Variants in GALNT13 observed in about 807,000 individuals in gnomAD.
The protein encoded by GALNT13 is polypeptide N-acetylgalactosaminyltransferase 13.
In GALNT13, 28 loss-of-function variants were observed where a neutral mutation model predicts 64.2. The observed-to-expected ratio is 0.44, with a 90% CI of 0.32 to 0.60. The LOEUF is 0.60. Among genes scored for constraint, GALNT13 ranks in the 20% least tolerant of loss-of-function variants. The probability of loss-of-function intolerance (pLI) is 0.05; values close to 1 mark genes in which losing one functional copy is unlikely to be tolerated. For synonymous variants in GALNT13, 214 were observed against 224.6 expected, an observed-to-expected ratio of 0.95 and a Z score of 0.42; for missense variants, 577 against 669.8, an observed-to-expected ratio of 0.86 and a Z score of 1.53.
intron 3 of GALNT13, among the ~76,000 whole-genome samples, chr2:154,094,465 C>T (rs532976996): frequency 2.2e-4 from 33 of 151,940 alleles, no homozygotes; most frequent in African/African-American, 7.0e-4. Flanking sequence ...GAATTATTTG[C>T]CAGAAGTAAT....
chr2:153,285,870 A>G, the GALNT13 span, among the ~76,000 whole-genome samples: 2 of 152,180 alleles, frequency 1.3e-5, no homozygotes, highest in Non-Finnish European at 2.9e-5. Context: ...ATTATTAGCC[A>G]GTGTAATTAG....
chr2:153,677,874 A>C, the GALNT13 span, among the ~76,000 whole-genome samples: 1 of 152,058 alleles, frequency 6.6e-6, no homozygotes, highest in African/African-American at 2.4e-5. Context: ...CTTATAAAAC[A>C]ATCAACTCAA....
chr2:154,395,242 T>C (rs1016375780), intron 9 of GALNT13, among the ~76,000 whole-genome samples: 2 of 152,182 alleles, frequency 1.3e-5, no homozygotes, highest in Non-Finnish European at 2.9e-5. Context: ...TGTCGTAAAA[T>C]TTTTTATAAA....
chr2:153,394,233 C>T, the GALNT13 span, among the ~76,000 whole-genome samples: 1 of 152,040 alleles, frequency 6.6e-6, no homozygotes, highest in African/African-American at 2.4e-5. Flanking sequence ...AGAATTAAAT[C>T]TTAATTTTTG....
At chr2:153,470,937 A>G in the GALNT13 span, among the ~76,000 whole-genome samples, 2 of 152,346 alleles carry the variant, frequency 1.3e-5, no homozygotes, top group East Asian at 3.9e-4. Flanking sequence ...GTAGAAAATT[A>G]TAAGTAGCCT....
intron 8 of GALNT13, among the ~76,000 whole-genome samples, chr2:154,291,019 C>G (rs530563781): frequency 2.0e-5 from 3 of 152,124 alleles, no homozygotes; most frequent in Admixed American, 6.5e-5. Context: ...AAAGGCAGCC[C>G]GGACCCAAAG....
At chr2:153,278,690 T>A in the GALNT13 span, among the ~76,000 whole-genome samples, 2 of 152,258 alleles carry the variant, frequency 1.3e-5, no homozygotes, top group African/African-American at 4.8e-5. Flanking sequence ...CTGGGGTTTC[T>A]ATTATGTTCC....
the GALNT13 span, among the ~76,000 whole-genome samples, chr2:153,198,479 C>T: frequency 6.6e-6 from 1 of 152,174 alleles, no homozygotes; most frequent in South Asian, 2.1e-4. Context: ...TCAGGTATTT[C>T]CTGTCACTTA....
the GALNT13 span, among the ~76,000 whole-genome samples, chr2:153,651,374 A>G: frequency 1.3e-5 from 2 of 152,210 alleles, no homozygotes; most frequent in African/African-American, 2.4e-5. Flanking sequence ...ATACCTAATT[A>G]TATGGAGCAA....
intron 12 of GALNT13, among the ~76,000 whole-genome samples, chr2:154,447,672 C>G (rs1701662348): frequency 6.6e-6 from 1 of 151,850 alleles, no homozygotes; most frequent in Non-Finnish European, 1.5e-5. Flanking sequence ...AGTCTTGGAA[C>G]AAGGCTAGAA....
intron 3 of GALNT13, among the ~76,000 whole-genome samples, chr2:154,048,626 A>T (rs1458819463): frequency 6.6e-6 from 1 of 152,178 alleles, no homozygotes; most frequent in Non-Finnish European, 1.5e-5. Context: ...TCTCTAAATT[A>T]GAATGTATAG....
chr2:153,251,337 G>A, the GALNT13 span, among the ~76,000 whole-genome samples: 1 of 152,146 alleles, frequency 6.6e-6, no homozygotes, highest in Non-Finnish European at 1.5e-5. Flanking sequence ...CTTGTCAATT[G>A]TGTCTTTATC....
intron 8 of GALNT13, 31 bp downstream of exon 8, chr2:154,259,169 T>G (rs1331958142): frequency 1.7e-6 from 2 of 1,206,240 alleles, no homozygotes; most frequent in African/African-American, 3.0e-5. Flanking sequence ...TTTTTGATGC[T>G]GAACATACAA....
the GALNT13 span, among the ~76,000 whole-genome samples, chr2:153,218,568 A>ATG: frequency 6.6e-6 from 1 of 152,178 alleles, no homozygotes; most frequent in Non-Finnish European, 1.5e-5. Context: ...ACAGTGGCTC[A>ATG]TGTACCCCTC....
intron 4 of GALNT13, among the ~76,000 whole-genome samples, chr2:154,186,390 C>A (rs958659461): frequency 2.6e-5 from 4 of 152,042 alleles, no homozygotes; most frequent in African/African-American, 4.8e-5. Flanking sequence ...AGCAGAAGTT[C>A]TTTGGGCATG....
chr2:153,511,588 T>A, the GALNT13 span, among the ~76,000 whole-genome samples: 6 of 152,280 alleles, frequency 3.9e-5, no homozygotes. Flanking sequence ...AGGAGGTTAG[T>A]GTTCATGAAA....
chr2:154,319,051 T>C (rs1694480333), intron 9 of GALNT13, among the ~76,000 whole-genome samples: 1 of 152,138 alleles, frequency 6.6e-6, no homozygotes, highest in East Asian at 1.9e-4. Flanking sequence ...ACCACAGTTT[T>C]TGTTTACTTA....
the GALNT13 span, among the ~76,000 whole-genome samples, chr2:153,862,293 G>C: frequency 6.6e-6 from 1 of 152,136 alleles, no homozygotes; most frequent in Admixed American, 6.5e-5. Context: ...TAAAGGCCTG[G>C]AAAAAAATCT....
the GALNT13 span, among the ~76,000 whole-genome samples, chr2:153,803,009 C>A: frequency 6.6e-6 from 1 of 152,146 alleles, no homozygotes; most frequent in Non-Finnish European, 1.5e-5. Context: ...AACTCAGTGC[C>A]CTTAACAAGA....
Sources: allele counts gnomAD v4.1 joint callset (sites outside exome capture counted in the v4.1 genomes callset), GRCh38; gene constraint gnomAD v4.1.1; transcripts MANE v1.5; gene names NCBI Gene and HGNC (gene_info 2026-07-23, HGNC 2026-07-21).